GANC: variants seen among roughly 807,000 people sequenced by gnomAD.
The protein encoded by GANC is neutral alpha-glucosidase C.
GANC carries 117 observed loss-of-function variants against 124.2 expected under a neutral mutation model. That is an observed-to-expected ratio of 0.94 (90% CI 0.81 to 1.10). The LOEUF is 1.10. GANC is among the 50% of genes least tolerant of loss of function. GANC has a pLI of 0.00. For synonymous variants in GANC, 377 were observed against 376.8 expected (o/e 1.00, Z -0.01); for missense variants, 1,140 against 1,095.0 (o/e 1.04, Z -0.58).
chr15:42,317,132 G>A (rs1169170440), intron 10 of GANC, among the ~76,000 whole-genome samples: 2 of 151,748 alleles, frequency 1.3e-5, no homozygotes, highest in African/African-American at 2.4e-5. Context: ...GTAATCCTTC[G>A]CCCACACATG....
At chr15:42,300,210 A>G (rs1172388835) in intron 6 of GANC, among the ~76,000 whole-genome samples, 1 of 152,082 alleles carries the variant, frequency 6.6e-6, no homozygotes, top group African/African-American at 2.4e-5. Flanking sequence ...TTTGCAATCT[A>G]CCCTAAGTGC....
intron 10 of GANC, among the ~76,000 whole-genome samples, chr15:42,316,466 C>A (rs546550270): frequency 1.3e-5 from 2 of 152,260 alleles, no homozygotes; most frequent in African/African-American, 4.8e-5. Flanking sequence ...GGGCCCTTCC[C>A]TTTTAGGCAG....
At chr15:42,304,224 A>G (rs898630986) in intron 6 of GANC, among the ~76,000 whole-genome samples, 1 of 152,240 alleles carries the variant, frequency 6.6e-6, no homozygotes, top group Non-Finnish European at 1.5e-5. Context: ...GCACAACTAC[A>G]TGGAAACTGA....
At chr15:42,286,417 C>T (rs185044082) in intron 3 of GANC, among the ~76,000 whole-genome samples, 1 of 152,230 alleles carries the variant, frequency 6.6e-6, no homozygotes, top group East Asian at 1.9e-4. Flanking sequence ...AATGGAAACA[C>T]ATGTTTAAAT....
chr15:42,333,920 A>G (rs528809025), intron 15 of GANC, among the ~76,000 whole-genome samples: 193 of 152,290 alleles, frequency 1.3e-3, no homozygotes, highest in Non-Finnish European at 1.1e-3. Flanking sequence ...TGAACAGAGT[A>G]GAGAATCCAG....
At chr15:42,328,212 A>G (rs2052212358) in intron 13 of GANC, among the ~76,000 whole-genome samples, 9 of 152,202 alleles carry the variant, frequency 5.9e-5, no homozygotes, top group Admixed American at 5.9e-4. Flanking sequence ...ATCAAGTATT[A>G]GGGCACTAAT....
intron 22 of GANC, 26 bp downstream of exon 22, chr15:42,349,521 G>A: frequency 7.7e-7 from 1 of 1,293,106 alleles, no homozygotes; most frequent in Non-Finnish European, 1.1e-6. Context: ...GAAACTGTTT[G>A]TTTTCTTAAG....
At chr15:42,330,985 G>C (rs576629410) in intron 15 of GANC, among the ~76,000 whole-genome samples, 2 of 151,932 alleles carry the variant, frequency 1.3e-5, no homozygotes, top group South Asian at 4.2e-4. Flanking sequence ...TTTTGGTAGA[G>C]ACAGGGTTTC....
chr15:42,333,038 A>ATTT, intron 15 of GANC, among the ~76,000 whole-genome samples: 1 of 146,828 alleles, frequency 6.8e-6, no homozygotes, highest in South Asian at 2.2e-4. Context: ...ATATATATAT[A>ATTT]TTTTTTTTGG....
In GANC at chr15:42,308,250, C is replaced by T. The variant is rs757769027; in HGVS notation, c.654C>T (p.Ser218=). ...CTTCTTCTATTGGTTTGGATTTCTC[C>T]TTGCATGGATTTGAGCATCTTTATG... ...NGPSSIGLDF[S]LHGFEHLYGI... is the part of the protein sequence containing the mutation. The change falls in exon 8 of 24, where the codon TCC becomes TCT. Residue 218 remains serine, a synonymous_variant. Coordinates refer to ENST00000318010, the MANE Select transcript of GANC (RefSeq NM_198141.3). 2 of 1,608,856 alleles carry T rather than the reference C, an allele frequency of 1.2e-6. No individual in the cohort carries two copies. The highest frequency in any genetic ancestry group is 2.7e-5 in the African/African-American group (2 of 74,884).
At position 42,273,577 on chromosome 15, in the gene GANC, G is replaced by C; in HGVS notation, c.-905G>C. The C allele has an allele frequency of 9.1e-7, 1 of 1,102,514 alleles. No homozygotes were observed. 68.3% of individuals were successfully genotyped at this position (1,102,514 alleles called of 1,614,324 possible). A position where few individuals can be genotyped will look rare whatever the true frequency, so the allele number is the denominator to read the frequency against. ...GTCGTCTGTGCGCCGTGAGACTTTG[G>C]ACCTACTGCGCAGGCGTCATCCTGT... On this transcript the variant is annotated 5_prime_UTR_variant, in exon 1 of 24. Transcript: ENST00000318010.
chr15:42,307,298 T>C (rs1463295935), intron 7 of GANC, among the ~76,000 whole-genome samples: 1 of 151,892 alleles, frequency 6.6e-6, no homozygotes, highest in Non-Finnish European at 1.5e-5. Context: ...GGGCATGGGT[T>C]CTCAGGCCCT....
intron 4 of GANC, among the ~76,000 whole-genome samples, chr15:42,290,376 A>G (rs532694573): frequency 3.3e-5 from 5 of 152,314 alleles, no homozygotes; most frequent in South Asian, 2.1e-4. Context: ...TTCTGTGACA[A>G]TCCTAAAAGT....
Position 42,343,122 on chromosome 15 carries a change from A to C in GANC, c.2197A>C (p.Thr733Pro), listed in dbSNP as rs1417867847. ...VHPVTEPKAT[T>P]VDVFLPGSNE... ...TCCAGTCACAGAACCAAAAGCCACCACAGTTGATGTGTTTCTTCCAGGATC... is the reference window on the plus strand; with the variant it reads ...TCCAGTCACAGAACCAAAAGCCACCCCAGTTGATGTGTTTCTTCCAGGATC... Residue 733 changes from threonine (T) to proline (P), a missense_variant, in exon 19 of 24, where the codon ACA becomes CCA. By Grantham distance (38) the Thr-to-Pro change is conservative. Transcript: ENST00000318010. 6.2e-7 allele frequency: 1 copy of C among 1,614,118 alleles called. No individual in the cohort carries two copies. Among genetic ancestry groups the C allele is most frequent in the Non-Finnish European group, 8.5e-7 (1 of 1,180,002 alleles).
chr15:42,295,136 A>G (rs2051878405), intron 5 of GANC, among the ~76,000 whole-genome samples: 1 of 151,624 alleles, frequency 6.6e-6, no homozygotes, highest in Admixed American at 6.6e-5. Context: ...ATGCCCGGCT[A>G]ATTTTGTTTT....
intron 14 of GANC, among the ~76,000 whole-genome samples, chr15:42,329,867 A>T (rs1443652160): frequency 6.6e-6 from 1 of 152,232 alleles, no homozygotes; most frequent in Non-Finnish European, 1.5e-5. Flanking sequence ...GAGGAGCAAT[A>T]TTTAGAACAC....
chr15:42,313,756 A>G, intron 10 of GANC: 3 of 333,154 alleles, frequency 9.0e-6, no homozygotes, highest in South Asian at 3.6e-5. Context: ...CAGTGCTCCA[A>G]CATCAGTTTC....
chr15:42,276,486 G>A (rs1403845981), intron 2 of GANC, 76 bp downstream of exon 2: 6 of 700,656 alleles, frequency 8.6e-6, no homozygotes, highest in South Asian at 3.3e-5. Context: ...TTAAATTTTT[G>A]GAACTGATAG....
intron 5 of GANC, among the ~76,000 whole-genome samples, chr15:42,296,031 C>T (rs1332811928): frequency 6.6e-6 from 1 of 151,318 alleles, no homozygotes; most frequent in African/African-American, 2.4e-5. Context: ...GTCGTTCCAT[C>T]TACTTGGGAG....
Sources: gnomAD v4.1 joint callset for allele counts (sites outside exome capture counted in the v4.1 genomes callset) on GRCh38, gnomAD v4.1.1 for gene constraint, MANE v1.5 for transcripts, NCBI Gene and HGNC (gene_info 2026-07-23, HGNC 2026-07-21) for gene names.